The following PCDHGA1 variants were observed in gnomAD, a reference collection of about 807,000 sequenced individuals.
PCDHGA1 encodes the protein protocadherin gamma-A1.
PCDHGA1 carries 32 observed loss-of-function variants against 58.0 expected under a neutral mutation model. The observed-to-expected ratio is 0.55, with a 90% confidence interval of 0.42 to 0.74. The LOEUF is 0.74. Among genes scored for constraint, PCDHGA1 ranks in the 30% least tolerant of loss-of-function variants. The probability of loss-of-function intolerance (pLI) is 0.00; values close to 1 mark genes in which losing one functional copy is unlikely to be tolerated. For synonymous variants in PCDHGA1, 498 were observed against 501.1 expected, an observed-to-expected ratio of 0.99 and a Z score of 0.08; for missense variants, 1,205 against 1,182.3, an observed-to-expected ratio of 1.02 and a Z score of -0.28.
At chr5:141,483,919 G>T (rs912152955) in intron 1 of PCDHGA1, among the ~76,000 whole-genome samples, 2 of 151,008 alleles carry the variant, frequency 1.3e-5, no homozygotes, top group South Asian at 2.1e-4. Flanking sequence ...CACTCAGATT[G>T]CAGGTCGTAG....
intron 1 of PCDHGA1, chr5:141,398,933 A>C: frequency 1.2e-6 from 2 of 1,614,010 alleles, no homozygotes; most frequent in Non-Finnish European, 1.7e-6. Context: ...GCCACTGACC[A>C]AGACGAGGGC....
intron 1 of PCDHGA1, among the ~76,000 whole-genome samples, chr5:141,475,285 A>G (rs2099361212): frequency 6.6e-6 from 1 of 152,244 alleles, no homozygotes; most frequent in Non-Finnish European, 1.5e-5. Context: ...AAGACAGGGT[A>G]GGGAAATTTC....
At chr5:141,384,532 A>T (rs766404100) in intron 1 of PCDHGA1, 1 of 1,614,238 alleles carries the variant, frequency 6.2e-7, no homozygotes, top group South Asian at 1.1e-5. Flanking sequence ...TCTCAGCAGC[A>T]ACATGTCACT....
At chr5:141,335,435 A>C (rs1365022866) in intron 1 of PCDHGA1, among the ~76,000 whole-genome samples, 2 of 152,218 alleles carry the variant, frequency 1.3e-5, no homozygotes, top group African/African-American at 2.4e-5. Context: ...ATTTTAAAAA[A>C]TGAACTGATT....
At chr5:141,424,720 G>A (rs530298674) in intron 1 of PCDHGA1, 4 of 152,090 alleles carry the variant, frequency 2.6e-5, no homozygotes, top group Non-Finnish European at 4.4e-5. Flanking sequence ...GTGTAGTTGG[G>A]AGTCATAGAT....
intron 1 of PCDHGA1, chr5:141,422,970 C>T (rs1348343583): frequency 1.2e-6 from 2 of 1,614,246 alleles, no homozygotes; most frequent in East Asian, 2.2e-5. Flanking sequence ...TGGCGCCCCG[C>T]TCTGCGGAAC....
rs549051669 is a variant in PCDHGA1, at chr5:141,450,866, C to A, written c.2422-43941C>A. 4.7e-5 allele frequency among the ~76,000 whole-genome samples: 7 copies of A among 149,836 alleles called. No homozygotes were observed. In the East Asian group the frequency reaches 1.4e-3, roughly 29 times the overall value. On this transcript the variant is annotated intron_variant, in intron 1 of 3. Transcript: ENST00000517417. ...TTGAGATGGGGTCTTGCTCTGTCAC[C>A]CAGGCTGGTGTGCAGTGGTGCGATA...
chr5:141,462,597 T>C (rs182073985), intron 1 of PCDHGA1, among the ~76,000 whole-genome samples: 1 of 152,320 alleles, frequency 6.6e-6, no homozygotes, highest in East Asian at 1.9e-4. Context: ...TTCCATTTCA[T>C]ATATTGTATT....
chr5:141,332,224 C>T lies in PCDHGA1; in HGVS notation c.1540C>T (p.Leu514=). Reference sequence around the variant, plus strand: ...CTCCATCAACTCCGACACTGGGGTCCTGTATGCGCTGCGATCCTTCGACTA... The same window carrying T: ...CTCCATCAACTCCGACACTGGGGTCTTGTATGCGCTGCGATCCTTCGACTA... The part of the protein sequence containing the change: ...YLSINSDTGV[L]YALRSFDYEQ... Residue 514 remains leucine, a synonymous_variant, in exon 1 of 4, where the codon CTG becomes TTG. Coordinates refer to ENST00000517417, the MANE Select transcript of PCDHGA1 (RefSeq NM_018912.3). The surrounding 1 kb of genome is among the most constrained non-coding windows in gnomAD (Gnocchi z 4.6). 6.2e-7 allele frequency: 1 copy of T among 1,614,230 alleles called. No homozygotes were observed. The highest frequency in any genetic ancestry group is 8.5e-7 in the Non-Finnish European group (1 of 1,180,040).
intron 1 of PCDHGA1, chr5:141,399,207 A>T (rs771939823): frequency 1.2e-6 from 2 of 1,613,992 alleles, no homozygotes; most frequent in South Asian, 2.2e-5. Flanking sequence ...TGCCTGGAAC[A>T]CTAATTGCTT....
intron 1 of PCDHGA1, chr5:141,340,175 T>G (rs1166211564): frequency 1.2e-6 from 2 of 1,614,112 alleles, no homozygotes; most frequent in Non-Finnish European, 1.7e-6. Flanking sequence ...AGACAATTAC[T>G]ACCGACTGGT....
In PCDHGA1 at chr5:141,493,164, T is replaced by C. The variant is rs558860783; in HGVS notation, c.2422-1643T>C. Among the ~76,000 whole-genome samples the C allele has an allele frequency of 4.6e-5, 7 of 152,340 alleles. 1 individual carries two copies. The South Asian group carries it at 1.2e-3, about 27-fold the overall frequency. On this transcript the variant is annotated intron_variant, in intron 1 of 3. Coordinates refer to ENST00000517417, the MANE Select transcript of PCDHGA1 (RefSeq NM_018912.3). The surrounding 1 kb of genome is among the most constrained non-coding windows in gnomAD (Gnocchi z 4.3). Reference sequence around the variant, plus strand: ...ACCCCCAGGTGATTTTGATAGCTGATTGAGAGAAACTTACTATATAACTCC... The same window carrying C: ...ACCCCCAGGTGATTTTGATAGCTGACTGAGAGAAACTTACTATATAACTCC...
At chr5:141,404,878 T>C (rs748965325) in intron 1 of PCDHGA1, 88 of 1,613,722 alleles carry the variant, frequency 5.5e-5, no homozygotes, top group Non-Finnish European at 7.3e-5. Context: ...AACAGAGCCT[T>C]GTGGTGGCTG....
Position 141,490,102 on chromosome 5 carries a change from G to A in PCDHGA1, c.2422-4705G>A, listed in dbSNP as rs377649214. On this transcript the variant is annotated intron_variant, in intron 1 of 3. Coordinates refer to ENST00000517417, the MANE Select transcript of PCDHGA1 (RefSeq NM_018912.3). The surrounding 1 kb of genome is among the most constrained non-coding windows in gnomAD (Gnocchi z 5.4). ...TTCTTTTGGAGACCACACATCTGAG[G>A]CAGTGCGGAACCTCTTTGGCCTAGA... 4.3e-6 allele frequency: 7 copies of A among 1,614,144 alleles called. No homozygotes were observed. The African/African-American group carries it at 9.3e-5, about 22-fold the overall frequency.
At chr5:141,366,058 G>A in intron 1 of PCDHGA1, 2 of 1,614,242 alleles carry the variant, frequency 1.2e-6, no homozygotes, top group Non-Finnish European at 1.7e-6. Context: ...CGGGCGTGGA[G>A]CTGGCGCCTC....
At chr5:141,468,415 G>A (rs1040067190) in intron 1 of PCDHGA1, 5 of 151,704 alleles carry the variant, frequency 3.3e-5, no homozygotes, top group Non-Finnish European at 7.4e-5. Context: ...TAATAAGTTA[G>A]ATAGCAAGGT....
At chr5:141,422,546 GGC>G in intron 1 of PCDHGA1, 8 of 1,613,972 alleles carry the variant, frequency 5.0e-6, no homozygotes, top group Non-Finnish European at 6.8e-6. Flanking sequence ...ACTCATGTCT[GGC>G]TGAATGTGGC....
chr5:141,450,817 A>G, intron 1 of PCDHGA1, among the ~76,000 whole-genome samples: 1 of 137,534 alleles, frequency 7.3e-6, no homozygotes, highest in East Asian at 2.1e-4. Context: ...TTTATTTAAT[A>G]TTATTATTAT....
Position 141,371,971 on chromosome 5 carries a change from G to A in PCDHGA1, c.2421+38866G>A, listed in dbSNP as rs372239619. On this transcript the variant is annotated intron_variant, in intron 1 of 3. Transcript: ENST00000517417. ...CGAGCCTTCGACCACGAGCAGCTGC[G>A]TGCCTTCGAGCTCACTCTGCAGGCC... 12 of 1,612,438 alleles carry A rather than the reference G, an allele frequency of 7.4e-6. No homozygotes were observed. Among genetic ancestry groups the A allele is most frequent in the African/African-American group, 6.7e-5 (5 of 75,070 alleles).
Sources: gnomAD v4.1 joint callset for allele counts (sites outside exome capture counted in the v4.1 genomes callset) on GRCh38, gnomAD v4.1.1 for gene constraint, Gnocchi (gnomAD v3.1) non-coding constraint, MANE v1.5 for transcripts, NCBI Gene and HGNC (gene_info 2026-07-23, HGNC 2026-07-21) for gene names.